ARAP2: variants seen among roughly 807,000 people sequenced by gnomAD.
The protein encoded by ARAP2 is ArfGAP with RhoGAP domain, ankyrin repeat and PH domain 2.
Under a neutral mutation model 194.5 loss-of-function variants are expected in ARAP2, and 148 were observed. The ratio of observed to expected loss-of-function variants is 0.76; its 90% confidence interval spans 0.67 to 0.87. The LOEUF is 0.87. ARAP2 is among the 40% of genes least tolerant of loss of function. The probability of loss-of-function intolerance (pLI) is 0.00; values close to 1 mark genes in which losing one functional copy is unlikely to be tolerated. For missense variants in ARAP2, 2,128 were observed against 1,989.7 expected (o/e 1.07, Z -1.32); for synonymous variants, 695 against 683.5 (o/e 1.02, Z -0.26).
intron 26 of ARAP2, among the ~76,000 whole-genome samples, chr4:36,113,708 C>T (rs1031346539): frequency 3.3e-5 from 5 of 151,816 alleles, no homozygotes; most frequent in Non-Finnish European, 5.9e-5. Context: ...CCCTTCATCC[C>T]TAGGCATCTT....
At chr4:36,116,266 T>C (rs1721281844) in intron 25 of ARAP2, among the ~76,000 whole-genome samples, 1 of 151,822 alleles carries the variant, frequency 6.6e-6, no homozygotes, top group Non-Finnish European at 1.5e-5. Context: ...TTAACTTAAG[T>C]CCAAATATAT....
In ARAP2 at chr4:36,206,871, A is replaced by T. The variant is rs546196976; in HGVS notation, c.1487+3519T>A. 8.5e-5 allele frequency among the ~76,000 whole-genome samples: 13 copies of T among 152,320 alleles called. No homozygotes were observed. The South Asian group carries it at 2.3e-3, about 27-fold the overall frequency. On this transcript the variant is annotated intron_variant, in intron 6 of 32. Transcript: ENST00000303965. ...CATGGCCAAAAAAAAAGTTAAATTT[A>T]AAAAAAGAGGAATTTCCCCAAGTAA...
At chr4:36,174,255 A>C (rs1437200199) in intron 9 of ARAP2, among the ~76,000 whole-genome samples, 1 of 152,222 alleles carries the variant, frequency 6.6e-6, no homozygotes, top group African/African-American at 2.4e-5. Flanking sequence ...AAAAACTGTC[A>C]TATTATAACA....
rs1738332998 is a variant in ARAP2 at position 36,177,867 on chromosome 4, A to G, written c.1817T>C (p.Val606Ala). 2 of 1,613,184 alleles carry G rather than the reference A, an allele frequency of 1.2e-6. No individual in the cohort carries two copies. The highest frequency in any genetic ancestry group is 1.7e-6 in the Non-Finnish European group (2 of 1,179,536). ...LRGYKAKIFT[V>A]LSGNSVWLCK... ...AAGCCACACACTGTTTCCACTTAAC[A>G]CAGTAAAAATTTTTGCCTTATAGCC... Residue 606 changes from valine to alanine, a missense_variant, in exon 9 of 33, where the codon GTG (valine) becomes GCG (alanine). Physicochemically the swap from Val to Ala is moderately conservative, Grantham distance 64. Coordinates refer to ENST00000303965, the MANE Select transcript of ARAP2 (RefSeq NM_015230.4).
chr4:36,118,477 T>A (rs937869768), intron 24 of ARAP2, among the ~76,000 whole-genome samples: 2 of 151,368 alleles, frequency 1.3e-5, no homozygotes, highest in African/African-American at 4.8e-5. Context: ...TTTCCCAGAC[T>A]CTTTTACTTA....
chr4:36,005,886 A>G (rs887082757), intron 10 of ARAP2: 1 of 152,202 alleles, frequency 6.6e-6, no homozygotes, highest in African/African-American at 2.4e-5. Context: ...AAAGTCTCTC[A>G]GGGTAGACCA....
chr4:36,224,185 A>G (rs1362843044), intron 2 of ARAP2, among the ~76,000 whole-genome samples: 1 of 151,814 alleles, frequency 6.6e-6, no homozygotes, highest in Non-Finnish European at 1.5e-5. Context: ...AGAAACAACA[A>G]ATATGTGGAT....
At chr4:36,024,414 T>G (rs972790827) in intron 5 of ARAP2, among the ~76,000 whole-genome samples, 1 of 152,208 alleles carries the variant, frequency 6.6e-6, no homozygotes, top group Admixed American at 6.6e-5. Flanking sequence ...AATATTGGAA[T>G]GCATAAGTCA....
At chr4:36,093,549 G>A (rs1050031307) in intron 27 of ARAP2, among the ~76,000 whole-genome samples, 5 of 151,928 alleles carry the variant, frequency 3.3e-5, no homozygotes, top group South Asian at 2.1e-4. Context: ...TTTTACACAC[G>A]ATAATACTAA....
At chr4:36,171,977 A>G in intron 9 of ARAP2, among the ~76,000 whole-genome samples, 1 of 152,266 alleles carries the variant, frequency 6.6e-6, no homozygotes, top group East Asian at 1.9e-4. Context: ...TGAGCCAGGG[A>G]TAAGCCAAAC....
chr4:36,156,106 A>C (rs770297813), intron 15 of ARAP2, among the ~76,000 whole-genome samples: 3 of 151,768 alleles, frequency 2.0e-5, no homozygotes, highest in African/African-American at 2.4e-5. Flanking sequence ...ACATGGTGAA[A>C]TCTCATCTCT....
intron 3 of ARAP2, among the ~76,000 whole-genome samples, chr4:36,213,931 T>C (rs748408182): frequency 6.6e-6 from 1 of 152,156 alleles, no homozygotes; most frequent in African/African-American, 2.4e-5. Context: ...AAAATTTTTC[T>C]TAAAAATTCA....
chr4:36,136,949 C>T (rs1726975967), intron 19 of ARAP2, among the ~76,000 whole-genome samples: 1 of 151,538 alleles, frequency 6.6e-6, no homozygotes, highest in Non-Finnish European at 1.5e-5. Context: ...CACACACACA[C>T]ACACACACAT....
chr4:36,151,461 G>C (rs1260753745), intron 15 of ARAP2, among the ~76,000 whole-genome samples: 1 of 152,180 alleles, frequency 6.6e-6, no homozygotes, highest in South Asian at 2.1e-4. Context: ...CTTAATGCTT[G>C]TTCAGAAGAT....
chr4:36,143,841 G>A (rs539445313), intron 19 of ARAP2, among the ~76,000 whole-genome samples: 3 of 151,838 alleles, frequency 2.0e-5, no homozygotes, highest in South Asian at 4.2e-4. Context: ...ACATGTAGAC[G>A]AAAACTTTCA....
At chr4:36,118,782 T>C (rs1722012995) in intron 24 of ARAP2, among the ~76,000 whole-genome samples, 1 of 151,426 alleles carries the variant, frequency 6.6e-6, no homozygotes, top group Non-Finnish European at 1.5e-5. Flanking sequence ...GCTGCATAAT[T>C]ACTCTGGGTC....
At chr4:36,223,299 A>G (rs1749557677) in intron 2 of ARAP2, among the ~76,000 whole-genome samples, 1 of 152,142 alleles carries the variant, frequency 6.6e-6, no homozygotes, top group African/African-American at 2.4e-5. Context: ...AAAAATATCA[A>G]TGATTCTGAT....
At chr4:36,156,445 GA>G (rs1359897969) in intron 15 of ARAP2, among the ~76,000 whole-genome samples, 4 of 11,452 alleles carry the variant, frequency 3.5e-4, no homozygotes, top group Admixed American at 2.3e-3. Context: ...GAAAGAAAGA[GA>G]AAGAAAGAAA....
In ARAP2 at chr4:36,059,770, C is replaced by T. The variant is rs116325798; in HGVS notation, n.148-1627G>A. 6.1e-3 allele frequency among the ~76,000 whole-genome samples: 926 copies of T among 152,208 alleles called. 16 individuals carry two copies. The highest frequency in any genetic ancestry group is 0.021 in the African/African-American group (875 of 41,526). The stretch of plus-strand genomic sequence containing the variant: ...GACCAATACTAGTAGAATTATTACA[C>T]AAAGGAGGGTGCTTAACTGTGTAAA... On this transcript the variant is annotated intron_variant and non_coding_transcript_variant, in intron 1 of 12. Coordinates refer to the ARAP2 transcript ENST00000503225.
Sources: allele counts gnomAD v4.1 joint callset (sites outside exome capture counted in the v4.1 genomes callset), GRCh38; gene constraint gnomAD v4.1.1; transcripts MANE v1.5; gene names NCBI Gene and HGNC (gene_info 2026-07-23, HGNC 2026-07-21).